Variants in SLC24A2 observed in about 807,000 individuals in gnomAD.
The protein encoded by SLC24A2 is sodium/potassium/calcium exchanger 2.
In SLC24A2, 36 loss-of-function variants were observed where a neutral mutation model predicts 62.0. The observed-to-expected ratio is 0.58, with a 90% CI of 0.44 to 0.77. The LOEUF (loss-of-function observed/expected upper bound fraction) is 0.77. Among genes scored for constraint, SLC24A2 ranks in the 30% least tolerant of loss-of-function variants. SLC24A2 has a pLI of 0.00. For missense variants in SLC24A2, 846 were observed against 817.9 expected (o/e 1.03, Z -0.42); for synonymous variants, 358 against 294.0 (o/e 1.22, Z -2.23).
At chr9:20,095,824 T>A in the SLC24A2 span, among the ~76,000 whole-genome samples, 2 of 151,792 alleles carry the variant, frequency 1.3e-5, no homozygotes, top group East Asian at 3.9e-4. Flanking sequence ...ACAAGCATGG[T>A]GGAAGGCGAA....
chr9:20,168,186 T>C, the SLC24A2 span, among the ~76,000 whole-genome samples: 8 of 152,124 alleles, frequency 5.3e-5, no homozygotes, highest in South Asian at 4.1e-4. Flanking sequence ...TTATAGAGGA[T>C]TGAAAGAGAA....
chr9:19,673,563 C>T (rs990993610), intron 2 of SLC24A2, among the ~76,000 whole-genome samples: 1 of 152,160 alleles, frequency 6.6e-6, no homozygotes, highest in African/African-American at 2.4e-5. Flanking sequence ...ATTCTCCTGC[C>T]TCACCCTCCA....
At chr9:19,956,792 G>A in the SLC24A2 span, among the ~76,000 whole-genome samples, 1 of 152,164 alleles carries the variant, frequency 6.6e-6, no homozygotes, top group Admixed American at 6.5e-5. Context: ...AGATTTGGGT[G>A]GAGACACAGC....
chr9:19,651,122 C>T (rs533090354), intron 2 of SLC24A2, among the ~76,000 whole-genome samples: 13 of 152,092 alleles, frequency 8.5e-5, no homozygotes, highest in Non-Finnish European at 1.8e-4. Flanking sequence ...TCTGAAGCCC[C>T]GATTACCTCA....
the SLC24A2 span, among the ~76,000 whole-genome samples, chr9:20,023,046 G>A: frequency 6.6e-6 from 1 of 152,238 alleles, no homozygotes; most frequent in South Asian, 2.1e-4. Flanking sequence ...ACTAACATAA[G>A]AGAAAATGAC....
chr9:19,515,940 C>A lies in SLC24A2; in HGVS notation c.*213G>T. The A allele has an allele frequency of 1.6e-6, 1 of 616,384 alleles. No homozygotes were observed. Among genetic ancestry groups the A allele is most frequent in the Non-Finnish European group, 2.9e-6 (1 of 347,870 alleles). 38.2% of individuals were successfully genotyped at this position (616,384 alleles called of 1,614,324 possible). A position where few individuals can be genotyped will look rare whatever the true frequency, so the allele number is the denominator to read the frequency against. On this transcript the variant is annotated 3_prime_UTR_variant, in exon 11 of 11. Coordinates refer to ENST00000341998, the MANE Select transcript of SLC24A2 (RefSeq NM_020344.4). Reference sequence around the variant, plus strand: ...GCCCTGTATTGACGGTTCTCTTTGTCTTTTACATGAAGTCATTTCAGTAGG... The same window carrying A: ...GCCCTGTATTGACGGTTCTCTTTGTATTTTACATGAAGTCATTTCAGTAGG...
the SLC24A2 span, among the ~76,000 whole-genome samples, chr9:20,038,896 C>A: frequency 1.2e-3 from 181 of 152,232 alleles, no homozygotes; most frequent in Non-Finnish European, 1.9e-3. Flanking sequence ...GAAAATCAAA[C>A]TGAATTTATT....
At chr9:19,566,466 G>C (rs1370529257) in intron 7 of SLC24A2, among the ~76,000 whole-genome samples, 3 of 150,044 alleles carry the variant, frequency 2.0e-5, no homozygotes, top group African/African-American at 4.9e-5. Context: ...GAAACAACAG[G>C]TGCTGGAGAG....
intron 2 of SLC24A2, among the ~76,000 whole-genome samples, chr9:19,710,721 G>A (rs959791682): frequency 6.6e-6 from 1 of 152,228 alleles, no homozygotes; most frequent in Non-Finnish European, 1.5e-5. Context: ...AAAGGCTGTG[G>A]GAAAGATCAG....
At chr9:20,172,964 G>C in the SLC24A2 span, among the ~76,000 whole-genome samples, 693 of 151,952 alleles carry the variant, frequency 4.6e-3, 3 homozygotes, top group African/African-American at 0.016. Flanking sequence ...ATCCAACAAC[G>C]TATCAAAAGA....
chr9:19,715,705 A>G (rs181206337), intron 2 of SLC24A2, among the ~76,000 whole-genome samples: 2 of 152,230 alleles, frequency 1.3e-5, no homozygotes, highest in African/African-American at 4.8e-5. Context: ...GCTGGAGGGT[A>G]CTTATAAATG....
At chr9:19,814,548 C>T in the SLC24A2 span, among the ~76,000 whole-genome samples, 4 of 152,164 alleles carry the variant, frequency 2.6e-5, no homozygotes, top group Non-Finnish European at 5.9e-5. Context: ...AGAGAATGTG[C>T]TAATCCTCAG....
the SLC24A2 span, among the ~76,000 whole-genome samples, chr9:19,822,927 G>A: frequency 6.6e-6 from 1 of 152,048 alleles, no homozygotes; most frequent in East Asian, 1.9e-4. Context: ...CTTGGATAAA[G>A]GCAGCCTCCT....
chr9:19,612,774 G>T (rs141262969), intron 4 of SLC24A2, among the ~76,000 whole-genome samples: 3,341 of 152,310 alleles, frequency 0.022, 121 homozygotes, highest in African/African-American at 0.074. Flanking sequence ...CTACTCAGGA[G>T]GCTGAGGTGG....
Position 19,515,972 on chromosome 9 carries a change from G to A in SLC24A2, c.*181C>T, listed in dbSNP as rs1832905366. 3 of 759,548 alleles carry A rather than the reference G, an allele frequency of 3.9e-6. No individual in the cohort carries two copies. The highest frequency in any genetic ancestry group is 1.9e-5 in the Admixed American group (1 of 51,352). 47.1% of individuals were successfully genotyped at this position (759,548 alleles called of 1,614,324 possible). ...ATGAAGTCATTTCAGTAGGCAGGGT[G>A]GAAGCAGCCTGTGAAGTGAATGGGC... On this transcript the variant is annotated 3_prime_UTR_variant, in exon 11 of 11. Coordinates refer to ENST00000341998, the MANE Select transcript of SLC24A2 (RefSeq NM_020344.4).
intron 8 of SLC24A2, among the ~76,000 whole-genome samples, chr9:19,532,357 A>C (rs953804361): frequency 2.6e-5 from 4 of 152,094 alleles, no homozygotes; most frequent in Non-Finnish European, 1.5e-5. Flanking sequence ...CGGCTTCCCA[A>C]AGTGCTGGGA....
chr9:20,190,556 T>C, the SLC24A2 span, among the ~76,000 whole-genome samples: 1 of 152,114 alleles, frequency 6.6e-6, no homozygotes. Context: ...GAGAACATAC[T>C]CCTACTAGTC....
chr9:20,219,197 GGCT>G, the SLC24A2 span, among the ~76,000 whole-genome samples: 5 of 152,202 alleles, frequency 3.3e-5, no homozygotes, highest in African/African-American at 1.2e-4. Context: ...ATGTGGCAGA[GGCT>G]GTGGAGAAGG....
chr9:19,952,723 T>C, the SLC24A2 span, among the ~76,000 whole-genome samples: 1 of 151,506 alleles, frequency 6.6e-6, no homozygotes, highest in Non-Finnish European at 1.5e-5. Context: ...TGTGTTTCTT[T>C]GTCTATATTC....
Sources: gnomAD v4.1 joint callset for allele counts (sites outside exome capture counted in the v4.1 genomes callset) on GRCh38, gnomAD v4.1.1 for gene constraint, MANE v1.5 for transcripts, NCBI Gene and HGNC (gene_info 2026-07-23, HGNC 2026-07-21) for gene names.